Variants in CUBN observed in about 807,000 individuals in gnomAD.
CUBN encodes the protein cubilin, also known as 460 kDa receptor.
CUBN carries 282 observed loss-of-function variants against 405.3 expected under a neutral mutation model. The observed-to-expected ratio is 0.70, with a 90% CI of 0.63 to 0.77. CUBN has a LOEUF of 0.77. CUBN is among the 30% of genes least tolerant of loss of function. The pLI is 0.00. For missense variants in CUBN, 4,514 were observed against 4,475.2 expected (o/e 1.01, Z -0.25); for synonymous variants, 1,684 against 1,617.0 (o/e 1.04, Z -0.99).
intron 48 of CUBN, among the ~76,000 whole-genome samples, chr10:16,908,776 G>T (rs538058691): frequency 6.6e-6 from 1 of 151,938 alleles, no homozygotes; most frequent in Non-Finnish European, 1.5e-5. Context: ...ATTTTTAAAA[G>T]GATTTGAATG....
In CUBN at chr10:16,928,532, C is replaced by CCTT. The variant is rs1403918589; in HGVS notation, c.6125-230_6125-229insAAG. Among the ~76,000 whole-genome samples, 260 of 107,082 alleles carry CCTT rather than the reference C, an allele frequency of 2.4e-3. 1 individual carries two copies. The highest frequency in any genetic ancestry group is 4.7e-3 in the African/African-American group (131 of 28,012). The allele number at this position is 107,082 out of a possible 152,430, so 70.2% of individuals were successfully genotyped here. On this transcript the variant is annotated intron_variant, in intron 40 of 66. Coordinates refer to ENST00000377833, the MANE Select transcript of CUBN (RefSeq NM_001081.4). Reference sequence around the variant, plus strand: ...TACCCCCACCCCACCCCACCCCCCCCTTTTTTTTTTTTTTTGAGATGGAGT... The same window carrying CCTT: ...TACCCCCACCCCACCCCACCCCCCCCCTTTTTTTTTTTTTTTTTGAGATGGAGT...
Position 16,947,273 on chromosome 10 carries a change from G to C in CUBN, c.5304C>G (p.Ile1768Met), listed in dbSNP as rs61841454. The C allele has an allele frequency of 6.2e-7, 1 of 1,613,924 alleles. No homozygotes were observed. ...YPPNVECVWN[I>M]VSSPGNRLQL... Reference sequence around the variant, plus strand: ...GGAGCCGGTTGCCAGGGGAACTGACGATGTTCCAGACACATTCCACATTAG... The same window carrying C: ...GGAGCCGGTTGCCAGGGGAACTGACCATGTTCCAGACACATTCCACATTAG... The change falls in exon 36 of 67, where the codon ATC becomes ATG. Residue 1768 changes from isoleucine (I) to methionine (M), a missense_variant. Around this residue, in one of 5 missense-constraint regions of CUBN, gnomAD observed 1,613 missense variants for 1,542.8 expected, o/e 1.05. Transcript: ENST00000377833.
At chr10:17,068,362 C>A in intron 20 of CUBN, 82 bp from the exon 21 acceptor site, 1 of 1,396,378 alleles carries the variant, frequency 7.2e-7, no homozygotes, top group Non-Finnish European at 1.0e-6. Context: ...ATAATAACCT[C>A]TTCAAAGATT....
At chr10:17,118,652 G>A (rs894161407) in intron 6 of CUBN, among the ~76,000 whole-genome samples, 3 of 152,176 alleles carry the variant, frequency 2.0e-5, no homozygotes, top group African/African-American at 7.2e-5. Flanking sequence ...AGCAAGGCTG[G>A]TCTCGAACTC....
intron 59 of CUBN, among the ~76,000 whole-genome samples, chr10:16,861,457 T>C (rs995595544): frequency 1.3e-5 from 2 of 152,222 alleles, no homozygotes; most frequent in African/African-American, 4.8e-5. Flanking sequence ...CCAGCATGCC[T>C]GGCCAATGAA....
At chr10:16,951,174 T>C (rs1842912711) in intron 33 of CUBN, among the ~76,000 whole-genome samples, 1 of 152,194 alleles carries the variant, frequency 6.6e-6, no homozygotes, top group Non-Finnish European at 1.5e-5. Context: ...AACTTCTCAG[T>C]TCAAGGGAGG....
chr10:16,902,218 T>G (rs1407759958), intron 51 of CUBN, among the ~76,000 whole-genome samples: 1 of 135,572 alleles, frequency 7.4e-6, no homozygotes, highest in African/African-American at 2.8e-5. Context: ...ATATATATAG[T>G]ATATATATGT....
intron 22 of CUBN, among the ~76,000 whole-genome samples, chr10:17,058,026 G>A (rs1472790396): frequency 1.3e-5 from 2 of 151,992 alleles, no homozygotes; most frequent in African/African-American, 4.8e-5. Flanking sequence ...GCAGGCTGAG[G>A]CAAGAGAATC....
intron 28 of CUBN, among the ~76,000 whole-genome samples, chr10:17,001,237 C>T (rs1308392125): frequency 1.3e-5 from 2 of 152,166 alleles, no homozygotes; most frequent in Non-Finnish European, 2.9e-5. Context: ...TGAGCAGCAG[C>T]AAGATTTATT....
intron 59 of CUBN, among the ~76,000 whole-genome samples, chr10:16,853,591 G>A (rs1012732841): frequency 9.9e-5 from 15 of 152,186 alleles, no homozygotes; most frequent in African/African-American, 3.6e-4. Context: ...AAACTATAGA[G>A]TATTTGCATA....
chr10:17,007,203 G>A (rs914810478), intron 28 of CUBN, among the ~76,000 whole-genome samples: 1 of 96,396 alleles, frequency 1.0e-5, no homozygotes, highest in African/African-American at 4.1e-5. Flanking sequence ...CTGCAACCCA[G>A]ATGGAGGCCT....
intron 12 of CUBN, 25 bp from the exon 13 acceptor site, chr10:17,103,262 C>T: frequency 3.5e-6 from 5 of 1,435,668 alleles, no homozygotes; most frequent in Non-Finnish European, 4.9e-6. Flanking sequence ...ATGAACTGTG[C>T]TTTTCAGAGG....
chr10:16,885,843 C>T (rs140523702), intron 56 of CUBN, among the ~76,000 whole-genome samples: 124 of 152,280 alleles, frequency 8.1e-4, no homozygotes, highest in African/African-American at 2.7e-3. Context: ...ATCCAAGCCA[C>T]ATGTTGTTCC....
At chr10:17,098,007 T>C (rs1836411927) in intron 14 of CUBN, among the ~76,000 whole-genome samples, 2 of 152,162 alleles carry the variant, frequency 1.3e-5, no homozygotes, top group African/African-American at 2.4e-5. Flanking sequence ...CTTCCAAACA[T>C]AGGCTGAAAA....
At chr10:16,922,687 G>A (rs1842069200) in intron 43 of CUBN, among the ~76,000 whole-genome samples, 1 of 152,056 alleles carries the variant, frequency 6.6e-6, no homozygotes, top group African/African-American at 2.4e-5. Context: ...AATATGACTT[G>A]TAACATTGAG....
intron 59 of CUBN, among the ~76,000 whole-genome samples, chr10:16,858,762 T>C (rs574150052): frequency 4.6e-5 from 7 of 152,370 alleles, no homozygotes; most frequent in African/African-American, 1.7e-4. Flanking sequence ...AGTGTGATAT[T>C]GGTGAGGAGT....
At chr10:16,934,041 G>C (rs763473715) in intron 39 of CUBN, among the ~76,000 whole-genome samples, 2 of 152,186 alleles carry the variant, frequency 1.3e-5, no homozygotes, top group Non-Finnish European at 2.9e-5. Flanking sequence ...ATGCTGAGGA[G>C]ATGCGCTGTT....
chr10:16,997,056 T>C (rs774928121), intron 28 of CUBN, among the ~76,000 whole-genome samples: 13 of 152,214 alleles, frequency 8.5e-5, no homozygotes, highest in Non-Finnish European at 1.6e-4. Context: ...TTTTTTTCTA[T>C]AACTTAACAA....
intron 56 of CUBN, among the ~76,000 whole-genome samples, chr10:16,884,023 A>G (rs1158228645): frequency 6.6e-6 from 1 of 152,178 alleles, no homozygotes; most frequent in African/African-American, 2.4e-5. Flanking sequence ...TCTGTTGTCC[A>G]GGCTGGAGGG....
Sources: gnomAD v4.1 joint callset for allele counts (sites outside exome capture counted in the v4.1 genomes callset) on GRCh38, gnomAD v4.1.1 for gene constraint, gnomAD v4.1.1 regional missense constraint, MANE v1.5 for transcripts, NCBI Gene and HGNC (gene_info 2026-07-23, HGNC 2026-07-21) for gene names.